Variants in ANO3 observed in about 807,000 individuals in gnomAD.
ANO3 encodes the protein anoctamin 3, also known as anoctamin-3.
Under a neutral mutation model 144.8 loss-of-function variants are expected in ANO3, and 99 were observed. That is an observed-to-expected ratio of 0.68 (90% confidence interval 0.58 to 0.81). The LOEUF is 0.81. ANO3 is among the 30% of genes least tolerant of loss of function. The pLI is 0.00. For missense variants in ANO3, 905 were observed against 1,202.2 expected (o/e 0.75, Z 3.66); for synonymous variants, 414 against 392.6 (o/e 1.05, Z -0.64).
At chr11:26,504,116 G>A (rs578097842) in intron 4 of ANO3, among the ~76,000 whole-genome samples, 2 of 152,316 alleles carry the variant, frequency 1.3e-5, no homozygotes, top group African/African-American at 4.8e-5. Context: ...GCATGGAGAT[G>A]CCTGTAAGCA....
At chr11:26,492,141 A>T (rs532182846) in intron 4 of ANO3, among the ~76,000 whole-genome samples, 1 of 152,354 alleles carries the variant, frequency 6.6e-6, no homozygotes, top group Non-Finnish European at 1.5e-5. Flanking sequence ...TAGAATTAAA[A>T]TAGTGTTTAA....
At chr11:26,233,800 G>A (rs1852454758) in intron 1 of ANO3, among the ~76,000 whole-genome samples, 1 of 152,192 alleles carries the variant, frequency 6.6e-6, no homozygotes, top group Admixed American at 6.5e-5. Flanking sequence ...CAGGGACATG[G>A]ATGAAGCTGG....
intron 1 of ANO3, among the ~76,000 whole-genome samples, chr11:26,224,552 C>A (rs1385638992): frequency 6.6e-6 from 1 of 152,246 alleles, no homozygotes; most frequent in East Asian, 1.9e-4. Context: ...CCCTTATGCC[C>A]TGTGTGCACA....
chr11:26,213,728 A>G (rs975222020), intron 1 of ANO3, among the ~76,000 whole-genome samples: 1 of 152,142 alleles, frequency 6.6e-6, no homozygotes, highest in Non-Finnish European at 1.5e-5. Context: ...ATTCTATGCT[A>G]TCCCCATCAA....
intron 1 of ANO3, among the ~76,000 whole-genome samples, chr11:26,340,216 T>C (rs1855320174): frequency 6.6e-6 from 1 of 152,244 alleles, no homozygotes; most frequent in African/African-American, 2.4e-5. Context: ...TGTCAAATGC[T>C]ATTACTTTCA....
chr11:26,350,285 C>T (rs1347326138), intron 1 of ANO3, among the ~76,000 whole-genome samples: 3 of 152,038 alleles, frequency 2.0e-5, no homozygotes, highest in Non-Finnish European at 2.9e-5. Flanking sequence ...TGTGGTGGGC[C>T]CCGCACAAGT....
intron 13 of ANO3, among the ~76,000 whole-genome samples, chr11:26,554,840 C>T (rs1375205236): frequency 3.9e-5 from 6 of 152,038 alleles, no homozygotes; most frequent in East Asian, 1.9e-4. Flanking sequence ...GTTTGTTTTC[C>T]GTCTCTCAGG....
Position 26,565,443 on chromosome 11 carries a change from T to C in ANO3, c.1447+5664T>C, listed in dbSNP as rs72877805. ...TTCTGAAGACAGAGCAGGTGTAGCATTGGGATGTGCTGAGATGGGCAAAAG... is the reference window on the plus strand; with the variant it reads ...TTCTGAAGACAGAGCAGGTGTAGCACTGGGATGTGCTGAGATGGGCAAAAG... On this transcript the variant is annotated intron_variant, in intron 14 of 26. Coordinates refer to ENST00000256737, the MANE Select transcript of ANO3 (RefSeq NM_031418.4). 851 of 1,613,260 alleles carry C rather than the reference T, an allele frequency of 5.3e-4. No individual in the cohort carries two copies. Among genetic ancestry groups the C allele is most frequent in the Non-Finnish European group, 6.9e-4 (813 of 1,179,490 alleles).
intron 26 of ANO3, among the ~76,000 whole-genome samples, chr11:26,658,718 A>G (rs896704617): frequency 6.6e-6 from 1 of 152,168 alleles, no homozygotes; most frequent in Non-Finnish European, 1.5e-5. Context: ...CTTGAGGCAC[A>G]TTCCTGGATA....
rs188674080 is a variant in ANO3, at chr11:26,624,548, G to T, written c.1873+50G>T. 2.3e-6 allele frequency: 3 copies of T among 1,304,526 alleles called. No individual in the cohort carries two copies. In the African/African-American group the frequency reaches 4.4e-5, roughly 19 times the overall value. 80.8% of individuals were successfully genotyped at this position (1,304,526 alleles called of 1,614,324 possible). A position where few individuals can be genotyped will look rare whatever the true frequency, so the allele number is the denominator to read the frequency against. ...TCCTTAGTCAGAAAATAACATATGG[G>T]CATTTCAGTCTGTAGTTACTTTATA... On this transcript the variant is annotated intron_variant, in intron 18 of 26. Coordinates refer to ENST00000256737, the MANE Select transcript of ANO3 (RefSeq NM_031418.4).
chr11:26,405,113 T>G (rs1450418228), intron 1 of ANO3, among the ~76,000 whole-genome samples: 1 of 151,700 alleles, frequency 6.6e-6, no homozygotes, highest in Non-Finnish European at 1.5e-5. Flanking sequence ...TACTTTTTTC[T>G]CCTCTTCACA....
chr11:26,521,218 C>G (rs1391030202), intron 6 of ANO3, among the ~76,000 whole-genome samples: 1 of 151,978 alleles, frequency 6.6e-6, no homozygotes, highest in African/African-American at 2.4e-5. Context: ...CAAATACTGC[C>G]TTAAAATTAA....
chr11:26,453,047 C>G (rs1859007991), intron 3 of ANO3, among the ~76,000 whole-genome samples: 1 of 151,600 alleles, frequency 6.6e-6, no homozygotes. Context: ...TTTGTCACCA[C>G]CAGGCCTGCC....
intron 1 of ANO3, among the ~76,000 whole-genome samples, chr11:26,435,193 C>T (rs1215543266): frequency 3.3e-5 from 5 of 151,816 alleles, no homozygotes; most frequent in South Asian, 2.1e-4. Context: ...TTTTTTGATC[C>T]GGATATGAAA....
chr11:26,358,029 T>G (rs1210829084), intron 1 of ANO3, among the ~76,000 whole-genome samples: 1 of 152,206 alleles, frequency 6.6e-6, no homozygotes, highest in Non-Finnish European at 1.5e-5. Flanking sequence ...TTCATTAGTC[T>G]ACTTGTCAAT....
intron 1 of ANO3, among the ~76,000 whole-genome samples, chr11:26,425,005 T>G (rs957963264): frequency 3.9e-5 from 6 of 152,014 alleles, no homozygotes; most frequent in Non-Finnish European, 8.8e-5. Context: ...GTCATTTACA[T>G]TAGGTATATC....
chr11:26,349,981 G>A (rs1855598003), intron 1 of ANO3, among the ~76,000 whole-genome samples: 1 of 152,110 alleles, frequency 6.6e-6, no homozygotes, highest in Non-Finnish European at 1.5e-5. Flanking sequence ...ATGTCCCCTG[G>A]CATTTCCCCC....
At chr11:26,362,962 A>G (rs545224193) in intron 1 of ANO3, among the ~76,000 whole-genome samples, 1 of 152,312 alleles carries the variant, frequency 6.6e-6, no homozygotes, top group South Asian at 2.1e-4. Flanking sequence ...CCAAATATAC[A>G]TGTGTCAGTC....
intron 1 of ANO3, among the ~76,000 whole-genome samples, chr11:26,295,405 G>A (rs1437848248): frequency 6.7e-6 from 1 of 149,892 alleles, no homozygotes; most frequent in Non-Finnish European, 1.5e-5. Context: ...GGCGCCTATA[G>A]TCCCAGCTAC....
Sources: gnomAD v4.1 joint callset for allele counts (sites outside exome capture counted in the v4.1 genomes callset) on GRCh38, gnomAD v4.1.1 for gene constraint, MANE v1.5 for transcripts, NCBI Gene and HGNC (gene_info 2026-07-23, HGNC 2026-07-21) for gene names.